HAT1: variants seen among roughly 807,000 people sequenced by gnomAD.
The protein encoded by HAT1 is histone acetyltransferase 1.
HAT1 carries 20 observed loss-of-function variants against 56.6 expected under a neutral mutation model. That is an observed-to-expected ratio of 0.35 (90% confidence interval 0.25 to 0.51). The LOEUF (loss-of-function observed/expected upper bound fraction) is 0.51, where lower values mean the gene tolerates loss of function less well. Ranked by LOEUF, HAT1 falls within the 20% of genes least tolerant of loss-of-function variation. HAT1 has a pLI of 0.95. For missense variants in HAT1, 408 were observed against 504.3 expected (o/e 0.81, Z 1.83); for synonymous variants, 146 against 165.5 (o/e 0.88, Z 0.91).
At chr2:171,923,672 G>A (rs1480378760) in intron 1 of HAT1, 2 of 152,208 alleles carry the variant, frequency 1.3e-5, no homozygotes, top group Non-Finnish European at 2.9e-5. Context: ...AAGCTGTTGT[G>A]TGAGCTCTAC....
chr2:171,971,449 G>T (rs553692704), intron 8 of HAT1, among the ~76,000 whole-genome samples: 1 of 152,232 alleles, frequency 6.6e-6, no homozygotes, highest in East Asian at 1.9e-4. Flanking sequence ...GAGGTCCTTG[G>T]TCCATTTTGA....
intron 2 of HAT1, among the ~76,000 whole-genome samples, chr2:171,944,945 C>T (rs1687119579): frequency 6.6e-6 from 1 of 152,198 alleles, no homozygotes; most frequent in South Asian, 2.1e-4. Flanking sequence ...AATCTCAGCT[C>T]AATGCAACCT....
At chr2:171,970,414 C>G (rs946660302) in intron 8 of HAT1, among the ~76,000 whole-genome samples, 4 of 149,140 alleles carry the variant, frequency 2.7e-5, no homozygotes, top group African/African-American at 1.0e-4. Context: ...AAAAAACACA[C>G]AGATTCACAC....
chr2:171,923,278 C>T (rs962467034), intron 1 of HAT1: 8 of 151,964 alleles, frequency 5.3e-5, no homozygotes, highest in African/African-American at 1.9e-4. Flanking sequence ...TGGACAGTTT[C>T]TTTTTCCTGA....
intron 9 of HAT1, among the ~76,000 whole-genome samples, chr2:171,977,524 AATATATATATATATAT>A (rs1174016253): frequency 3.0e-4 from 11 of 36,370 alleles, no homozygotes; most frequent in East Asian, 2.8e-3. Flanking sequence ...CAGGCATATG[AATATATATATATATAT>A]ATATATATAT....
intron 2 of HAT1, among the ~76,000 whole-genome samples, chr2:171,926,097 C>T (rs1686584013): frequency 6.6e-6 from 1 of 151,676 alleles, no homozygotes; most frequent in South Asian, 2.1e-4. Context: ...CATTTCCTCC[C>T]CTCACCCCTT....
chr2:171,969,004 T>C (rs2105337792), intron 8 of HAT1, among the ~76,000 whole-genome samples: 1 of 152,346 alleles, frequency 6.6e-6, no homozygotes, highest in South Asian at 2.1e-4. Context: ...GTGTTTGTGG[T>C]ATAATTGCCA....
chr2:171,965,930 CAGT>C (rs1336568912), intron 6 of HAT1, 22 bp downstream of exon 6: 4 of 1,601,516 alleles, frequency 2.5e-6, no homozygotes, highest in Non-Finnish European at 3.4e-6. Context: ...TCTAAAGCAA[CAGT>C]AGACCTTATT....
chr2:171,954,892 A>T (rs1452020094), intron 4 of HAT1, among the ~76,000 whole-genome samples: 1 of 152,188 alleles, frequency 6.6e-6, no homozygotes, highest in Non-Finnish European at 1.5e-5. Flanking sequence ...TGAGAGGGAG[A>T]CAGAAGGAAA....
chr2:171,942,284 C>T (rs2028672), intron 2 of HAT1, among the ~76,000 whole-genome samples: 27,918 of 151,992 alleles, frequency 0.18, 3,722 homozygotes, highest in African/African-American at 0.37. Context: ...TGTGGTAATA[C>T]ATATTTTGCA....
At chr2:171,971,847 G>A (rs1687822700) in intron 8 of HAT1, among the ~76,000 whole-genome samples, 1 of 152,170 alleles carries the variant, frequency 6.6e-6, no homozygotes. Context: ...GTTAAAAATG[G>A]GTCCTAGCCC....
intron 4 of HAT1, among the ~76,000 whole-genome samples, chr2:171,963,174 A>C (rs1687612678): frequency 6.6e-6 from 1 of 150,528 alleles, no homozygotes; most frequent in African/African-American, 2.4e-5. Flanking sequence ...TGTATATTTT[A>C]TGTAAGTATA....
intron 2 of HAT1, among the ~76,000 whole-genome samples, chr2:171,927,892 G>A (rs184675061): frequency 4.6e-5 from 7 of 151,338 alleles, no homozygotes; most frequent in East Asian, 2.0e-4. Context: ...CCAGGAAATG[G>A]TTTTTTATTT....
rs112544911 is a variant in HAT1 at position 171,981,678 on chromosome 2, T to C, written c.1093-1507T>C. ...AATTCATACACAGATGTATGAATAG[T>C]TCCTCATAGTGTCATTTCATTGCAG... On this transcript the variant is annotated intron_variant, in intron 10 of 10. Transcript: ENST00000264108. Among the ~76,000 whole-genome samples, 54 of 152,352 alleles carry C rather than the reference T, an allele frequency of 3.5e-4. 2 individuals carry two copies. The highest frequency in any genetic ancestry group is 1.3e-3 in the African/African-American group (53 of 41,584).
At chr2:171,968,227 C>T (rs1687728488) in intron 8 of HAT1, among the ~76,000 whole-genome samples, 2 of 152,218 alleles carry the variant, frequency 1.3e-5, no homozygotes, top group South Asian at 4.2e-4. Context: ...ACTTCACTAG[C>T]TTAGTGACTT....
chr2:171,935,914 G>A (rs925638114), intron 2 of HAT1, among the ~76,000 whole-genome samples: 1 of 151,898 alleles, frequency 6.6e-6, no homozygotes, highest in Non-Finnish European at 1.5e-5. Context: ...AGAATTGGGG[G>A]TATAGGGAGT....
chr2:171,956,976 G>A (rs1308494536), intron 4 of HAT1, among the ~76,000 whole-genome samples: 3 of 152,162 alleles, frequency 2.0e-5, no homozygotes, highest in African/African-American at 7.2e-5. Context: ...GTGACTCATG[G>A]ATCTCCTCAG....
chr2:171,963,206 T>C (rs1574058416), intron 4 of HAT1, among the ~76,000 whole-genome samples: 1 of 149,802 alleles, frequency 6.7e-6, no homozygotes. Context: ...TTTATATACA[T>C]AACTATTTAT....
chr2:171,935,406 T>G (rs759776339), intron 2 of HAT1, among the ~76,000 whole-genome samples: 2 of 149,338 alleles, frequency 1.3e-5, no homozygotes, highest in Admixed American at 6.8e-5. Flanking sequence ...TCTCAGCTAC[T>G]TGGGAGACTG....
Sources: gnomAD v4.1 joint callset for allele counts (sites outside exome capture counted in the v4.1 genomes callset) on GRCh38, gnomAD v4.1.1 for gene constraint, MANE v1.5 for transcripts, NCBI Gene and HGNC (gene_info 2026-07-23, HGNC 2026-07-21) for gene names.